L3MBTL4: variants seen among roughly 807,000 people sequenced by gnomAD.
The protein encoded by L3MBTL4 is lethal(3)malignant brain tumor-like protein 4.
Under a neutral mutation model 84.5 loss-of-function variants are expected in L3MBTL4, and 70 were observed. That is an observed-to-expected ratio of 0.83 (90% confidence interval 0.68 to 1.01). The LOEUF is 1.01. L3MBTL4 is among the 50% of genes least tolerant of loss of function. The pLI is 0.00. For missense variants in L3MBTL4, 715 were observed against 754.8 expected, an observed-to-expected ratio of 0.95 and a Z score of 0.62; for synonymous variants, 274 against 259.8, an observed-to-expected ratio of 1.05 and a Z score of -0.52.
chr18:6,311,297 G>A (rs1308649322), intron 3 of L3MBTL4, among the ~76,000 whole-genome samples: 1 of 151,922 alleles, frequency 6.6e-6, no homozygotes, highest in African/African-American at 2.4e-5. Context: ...TCTTACTTGA[G>A]AATGATTGAT....
At chr18:6,183,181 T>G (rs563408220) in intron 12 of L3MBTL4, among the ~76,000 whole-genome samples, 1 of 152,314 alleles carries the variant, frequency 6.6e-6, no homozygotes, top group Admixed American at 6.5e-5. Context: ...CTTTAAATAT[T>G]TCATCAGAGT....
At chr18:6,368,213 G>C (rs536563890) in intron 1 of L3MBTL4, among the ~76,000 whole-genome samples, 8 of 152,092 alleles carry the variant, frequency 5.3e-5, no homozygotes, top group African/African-American at 1.9e-4. Context: ...GCTCTGTGCT[G>C]CTTCTCCATG....
intron 4 of L3MBTL4, among the ~76,000 whole-genome samples, chr18:6,278,547 T>C (rs2049185393): frequency 6.6e-6 from 1 of 152,218 alleles, no homozygotes; most frequent in Non-Finnish European, 1.5e-5. Context: ...TATGCATCTA[T>C]AGTCTAGTTT....
intron 12 of L3MBTL4, among the ~76,000 whole-genome samples, chr18:6,191,673 G>A (rs1420279755): frequency 2.0e-5 from 3 of 152,116 alleles, no homozygotes; most frequent in Non-Finnish European, 4.4e-5. Context: ...GTCCAGTGAC[G>A]AGCCCCAGTG....
At chr18:6,185,368 G>A (rs1448792374) in intron 12 of L3MBTL4, among the ~76,000 whole-genome samples, 20 of 152,160 alleles carry the variant, frequency 1.3e-4, no homozygotes, top group Non-Finnish European at 1.5e-5. Flanking sequence ...AGCCCTTTAT[G>A]GATGGTATCA....
At chr18:6,163,299 G>A in intron 13 of L3MBTL4, among the ~76,000 whole-genome samples, 1 of 127,692 alleles carries the variant, frequency 7.8e-6, no homozygotes, top group South Asian at 2.4e-4. Context: ...GTGTGTGTGT[G>A]TGTGTGTGGG....
chr18:6,055,029 A>T (rs981255590), intron 16 of L3MBTL4, among the ~76,000 whole-genome samples: 1 of 152,238 alleles, frequency 6.6e-6, no homozygotes, highest in Non-Finnish European at 1.5e-5. Context: ...CTTTAACCTC[A>T]GGAATCTGTG....
intron 16 of L3MBTL4, among the ~76,000 whole-genome samples, chr18:6,008,258 T>C (rs922525774): frequency 2.0e-5 from 3 of 152,158 alleles, no homozygotes; most frequent in African/African-American, 7.2e-5. Flanking sequence ...CAGACCCCAC[T>C]CTTCCTCTGC....
At chr18:6,369,174 G>T (rs1159827769) in intron 1 of L3MBTL4, among the ~76,000 whole-genome samples, 1 of 152,184 alleles carries the variant, frequency 6.6e-6, no homozygotes, top group Non-Finnish European at 1.5e-5. Context: ...TTGGGGCAGT[G>T]TGTCCCCCAC....
chr18:6,338,638 C>G (rs1342560502), intron 1 of L3MBTL4, among the ~76,000 whole-genome samples: 1 of 151,530 alleles, frequency 6.6e-6, no homozygotes, highest in African/African-American at 2.4e-5. Flanking sequence ...CAAATATGAA[C>G]AAATGTCATT....
chr18:6,027,267 T>C (rs1049489039), intron 16 of L3MBTL4, among the ~76,000 whole-genome samples: 3 of 152,164 alleles, frequency 2.0e-5, no homozygotes, highest in Admixed American at 6.5e-5. Context: ...CTCCCACCTA[T>C]GAGTGAGAAC....
At chr18:6,167,946 T>A (rs1165377249) in intron 13 of L3MBTL4, among the ~76,000 whole-genome samples, 1 of 152,032 alleles carries the variant, frequency 6.6e-6, no homozygotes, top group East Asian at 1.9e-4. Flanking sequence ...CAGCCCAAAA[T>A]CTCCTTAAGC....
chr18:6,214,248 C>T (rs961837322), intron 11 of L3MBTL4, among the ~76,000 whole-genome samples: 7 of 151,906 alleles, frequency 4.6e-5, no homozygotes, highest in Admixed American at 3.9e-4. Context: ...TTTGGGAGGC[C>T]GAGGTGGGCA....
Position 6,028,654 on chromosome 18 carries a change from C to CATGATA in L3MBTL4, c.1444+52226_1444+52227insTATCAT, listed in dbSNP as rs2055628973. Among the ~76,000 whole-genome samples, 7 of 152,280 alleles carry CATGATA rather than the reference C, an allele frequency of 4.6e-5. No individual in the cohort carries two copies. In the South Asian group the frequency reaches 1.2e-3, roughly 27 times the overall value. On this transcript the variant is annotated intron_variant, in intron 16 of 18. Transcript: ENST00000317931. The stretch of plus-strand genomic sequence containing the variant: ...TATGGCCATTTTCATGATATTGATT[C>CATGATA]TTCCTATCCATAAGCATGGAATGTT...
At chr18:6,370,555 T>A (rs1249223183) in intron 1 of L3MBTL4, among the ~76,000 whole-genome samples, 1 of 152,140 alleles carries the variant, frequency 6.6e-6, no homozygotes, top group Non-Finnish European at 1.5e-5. Context: ...CCAGCACACA[T>A]GAGGGTACAG....
chr18:6,370,847 G>T (rs189963826), intron 1 of L3MBTL4, among the ~76,000 whole-genome samples: 1 of 152,184 alleles, frequency 6.6e-6, no homozygotes, highest in Admixed American at 6.5e-5. Context: ...AAGAAAAGAC[G>T]TTTGGGTTTC....
intron 5 of L3MBTL4, among the ~76,000 whole-genome samples, chr18:6,246,235 T>C (rs2047659109): frequency 6.6e-6 from 1 of 152,198 alleles, no homozygotes; most frequent in African/African-American, 2.4e-5. Context: ...ACTTGTTCTC[T>C]CTCCCATTTG....
intron 13 of L3MBTL4, among the ~76,000 whole-genome samples, chr18:6,162,921 G>A (rs948607494): frequency 2.0e-5 from 3 of 152,154 alleles, no homozygotes; most frequent in South Asian, 4.1e-4. Flanking sequence ...AATGGTGGAC[G>A]ATAGGTGAGT....
intron 12 of L3MBTL4, among the ~76,000 whole-genome samples, chr18:6,197,914 TTAG>T (rs1487220674): frequency 1.3e-5 from 2 of 152,198 alleles, no homozygotes; most frequent in African/African-American, 4.8e-5. Context: ...GAAGCGTCTG[TTAG>T]GTTAAGTGGT....
Sources: allele counts gnomAD v4.1 joint callset (sites outside exome capture counted in the v4.1 genomes callset), GRCh38; gene constraint gnomAD v4.1.1; transcripts MANE v1.5; gene names NCBI Gene and HGNC (gene_info 2026-07-23, HGNC 2026-07-21).